The following VIL1 variants were observed in gnomAD, a reference collection of about 807,000 sequenced individuals.
VIL1 encodes the protein villin-1.
In VIL1, 86 loss-of-function variants were observed where a neutral mutation model predicts 104.0. The observed-to-expected ratio is 0.83, with a 90% CI of 0.69 to 0.99. The LOEUF (loss-of-function observed/expected upper bound fraction) is 0.99, where lower values mean the gene tolerates loss of function less well. Among genes scored for constraint, VIL1 ranks in the 50% least tolerant of loss-of-function variants. The probability of loss-of-function intolerance (pLI) is 0.00; values close to 1 mark genes in which losing one functional copy is unlikely to be tolerated. For missense variants in VIL1, 944 were observed against 1,054.1 expected (o/e 0.90, Z 1.45); for synonymous variants, 394 against 412.6 (o/e 0.95, Z 0.55).
At chr2:218,430,693 G>A in intron 9 of VIL1, 32 bp from the exon 10 acceptor site, 2 of 1,554,494 alleles carry the variant, frequency 1.3e-6, no homozygotes, top group Non-Finnish European at 1.7e-6. Flanking sequence ...TAGGGGAGGT[G>A]CATAGCTTCC....
intron 12 of VIL1, 186 bp from the exon 13 acceptor site, chr2:218,432,607 G>A: frequency 1.1e-6 from 1 of 895,618 alleles, no homozygotes; most frequent in Admixed American, 2.0e-5. Flanking sequence ...TAGGTTTGAG[G>A]TTGAGATCAG....
At chr2:218,427,617 C>T (rs1159004118) in intron 4 of VIL1, among the ~76,000 whole-genome samples, 3 of 152,128 alleles carry the variant, frequency 2.0e-5, no homozygotes, top group Admixed American at 6.5e-5. Context: ...TGAGTCACCG[C>T]ACCTGGCCTA....
rs1688895585 is a variant in VIL1, at chr2:218,421,253, CA to C, written c.-12+2086del. Reference sequence around the variant, plus strand: ...GGGCAGAGTGCCAGCAGAGAGGGGCCAGGGGGCTGTGTGTAGTGGGGAGACT... The same window carrying C: ...GGGCAGAGTGCCAGCAGAGAGGGGCCGGGGGCTGTGTGTAGTGGGGAGACT... On this transcript the variant is annotated intron_variant, in intron 1 of 19. Coordinates refer to ENST00000248444, the MANE Select transcript of VIL1 (RefSeq NM_007127.3). Among the ~76,000 whole-genome samples the C allele has an allele frequency of 2.6e-5, 4 of 151,788 alleles. No individual in the cohort carries two copies. In the South Asian group the frequency reaches 8.3e-4, roughly 32 times the overall value.
chr2:218,432,990 G>A (rs762098770), intron 13 of VIL1, 39 bp downstream of exon 13: 16 of 1,611,918 alleles, frequency 9.9e-6, no homozygotes, highest in Non-Finnish European at 1.4e-5. Context: ...AGTAACCACT[G>A]TGGCAAGACA....
At chr2:218,422,330 C>T (rs188431147) in intron 1 of VIL1, among the ~76,000 whole-genome samples, 4 of 152,226 alleles carry the variant, frequency 2.6e-5, no homozygotes, top group East Asian at 1.9e-4. Context: ...AAACAGAAAA[C>T]GGTCTCCTCC....
Position 218,435,411 on chromosome 2 carries a change from G to A in VIL1, c.1803G>A (p.Lys601=), listed in dbSNP as rs965005206. The A allele has an allele frequency of 1.2e-6, 2 of 1,614,028 alleles. No homozygotes were observed. The highest frequency in any genetic ancestry group is 1.3e-5 in the African/African-American group (1 of 75,038). The part of the protein sequence containing the change: ...PANFWMALGG[K]APYANTKRLQ... ...ACTTCTGGATGGCCCTGGGTGGGAA[G>A]GCCCCCTATGCCAACACCAAGAGGT... The change falls in exon 15 of 20, where the codon AAG becomes AAA. Residue 601 remains lysine (K), a synonymous_variant. Transcript: ENST00000248444.
chr2:218,437,379 G>C lies in VIL1; in HGVS notation c.2160+67G>C, dbSNP rs187647315. On this transcript the variant is annotated intron_variant, in intron 17 of 19. Coordinates refer to ENST00000248444, the MANE Select transcript of VIL1 (RefSeq NM_007127.3). ...TGGAGATCAGTGCTGATTCCTGCAG[G>C]CCATTCTGTCTCTTTGGGATATATG... The C allele has an allele frequency of 4.7e-5, 73 of 1,557,678 alleles. No individual in the cohort carries two copies. The African/African-American group carries it at 9.2e-4, about 20-fold the overall frequency.
In VIL1 at chr2:218,451,176, TAC is replaced by T. The variant is rs763589266; in HGVS notation, c.*1843_*1844del. The T allele has an allele frequency of 6.6e-6, 1 of 152,228 alleles. No individual in the cohort carries two copies. The highest frequency in any genetic ancestry group is 1.5e-5 in the Non-Finnish European group (1 of 68,038). 9.4% of individuals were successfully genotyped at this position (152,228 alleles called of 1,614,324 possible). A position where few individuals can be genotyped will look rare whatever the true frequency, so the allele number is the denominator to read the frequency against. ...GGCAGAAGTCTATTTAGTTTTTGTA[TAC>T]ACTTGCAAGAGTGCATTACTCAGTA... is the stretch of plus-strand genomic sequence containing the variant. On this transcript the variant is annotated 3_prime_UTR_variant, in exon 20 of 20. Coordinates refer to ENST00000248444, the MANE Select transcript of VIL1 (RefSeq NM_007127.3).
rs1458347087 is a variant in VIL1, at chr2:218,451,564, A to G, written c.*2228A>G. The G allele has an allele frequency of 4.3e-5, 1 of 23,122 alleles. No individual in the cohort carries two copies. Among genetic ancestry groups the G allele is most frequent in the Non-Finnish European group, 8.4e-5 (1 of 11,966 alleles). 1.4% of individuals were successfully genotyped at this position (23,122 alleles called of 1,614,324 possible). ...CTCTTTAATTTAGGTGTTTGCAGAT[A>G]ATTTTCATTATATCCGTAGCTGTAT... On this transcript the variant is annotated 3_prime_UTR_variant, in exon 20 of 20. Transcript: ENST00000248444.
intron 14 of VIL1, 23 bp downstream of exon 14, chr2:218,434,728 T>A (rs1197605086): frequency 6.3e-6 from 10 of 1,585,784 alleles, no homozygotes; most frequent in Non-Finnish European, 8.6e-6. Flanking sequence ...TCTAGAGGCC[T>A]CCCCATCCGC....
intron 10 of VIL1, chr2:218,431,273 T>C (rs1689093807): frequency 3.1e-6 from 1 of 327,312 alleles, no homozygotes; most frequent in South Asian, 9.9e-5. Flanking sequence ...ATCGCTTGAA[T>C]TCAGGAGGCA....
rs1229060005 is a variant in VIL1 at position 218,435,397 on chromosome 2, G to C, written c.1789G>C (p.Ala597Pro). The C allele has an allele frequency of 6.2e-7, 1 of 1,614,012 alleles. No homozygotes were observed. Among genetic ancestry groups the C allele is most frequent in the Non-Finnish European group, 8.5e-7 (1 of 1,179,988 alleles). ...EGQEPANFWM[A>P]LGGKAPYANT... ...GCAGGAGCCAGCCAACTTCTGGATG[G>C]CCCTGGGTGGGAAGGCCCCCTATGC... Residue 597 changes from alanine to proline, a missense_variant, in exon 15 of 20, where the codon GCC (alanine) becomes CCC (proline). By Grantham distance (27) the Ala-to-Pro change is conservative. Transcript: ENST00000248444.
chr2:218,426,210 A>C (rs554811094), intron 4 of VIL1, among the ~76,000 whole-genome samples: 1 of 151,806 alleles, frequency 6.6e-6, no homozygotes, highest in Non-Finnish European at 1.5e-5. Flanking sequence ...CCCATCTCTA[A>C]TGCAGGCCTA....
chr2:218,432,822 A>C lies in VIL1; in HGVS notation c.1371A>C (p.Thr457=). The C allele has an allele frequency of 6.2e-7, 1 of 1,614,226 alleles. No homozygotes were observed. Among genetic ancestry groups the C allele is most frequent in the Non-Finnish European group, 8.5e-7 (1 of 1,180,034 alleles). ...GCCAGGCCAGCCAAGATGAAATTAC[A>C]GCATCAGCTTATCAAGCCGTCATCC... ...QGSQASQDEI[T]ASAYQAVILD... The change falls in exon 13 of 20, where the codon ACA becomes ACC. Residue 457 remains threonine (T), a synonymous_variant. Coordinates refer to ENST00000248444, the MANE Select transcript of VIL1 (RefSeq NM_007127.3).
At position 218,428,244 on chromosome 2, in the gene VIL1, G is replaced by T; in HGVS notation, c.474G>T (p.Lys158Asn). The stretch of plus-strand genomic sequence containing the variant: ...CTCCCTAGGTAGAGATGTCCTGGAA[G>T]AGTTTCAACCGAGGGGATGTTTTCC... ...VVAGEVEMSW[K>N]SFNRGDVFLL... The change falls in exon 6 of 20, where the codon AAG becomes AAT. Residue 158 changes from lysine to asparagine, a missense_variant. By Grantham distance (94) the Lys-to-Asn change is moderately conservative. Transcript: ENST00000248444. The T allele has an allele frequency of 1.2e-6, 2 of 1,614,182 alleles. No homozygotes were observed. The highest frequency in any genetic ancestry group is 1.7e-6 in the Non-Finnish European group (2 of 1,180,022).
intron 6 of VIL1, 25 bp downstream of exon 6, chr2:218,428,362 TC>T: frequency 6.3e-7 from 1 of 1,597,586 alleles, no homozygotes; most frequent in Non-Finnish European, 8.6e-7. Flanking sequence ...GCACCACACC[TC>T]CCTCTCGAAT....
intron 9 of VIL1, 88 bp downstream of exon 9, chr2:218,430,035 C>G (rs1302562007): frequency 2.0e-5 from 25 of 1,227,284 alleles, no homozygotes; most frequent in Non-Finnish European, 2.8e-5. Context: ...GGCAGGCAGG[C>G]TCAGACCAGG....
Position 218,440,796 on chromosome 2 carries a change from CCTGGAG to C in VIL1, c.2306_2311del (p.Leu769_Glu770del). 1 of 1,614,192 alleles carries C rather than the reference CCTGGAG, an allele frequency of 6.2e-7. No individual in the cohort carries two copies. The highest frequency in any genetic ancestry group is 8.5e-7 in the Non-Finnish European group (1 of 1,180,042). On this transcript the variant is annotated inframe_deletion, in exon 19 of 20. Coordinates refer to ENST00000248444, the MANE Select transcript of VIL1 (RefSeq NM_007127.3). ...GTTCTGGGCCTCTGCCCATCTTCCC[CCTGGAG>C]CAGCTAGTGAACAAGCCTGTAGAGG...
intron 19 of VIL1, among the ~76,000 whole-genome samples, chr2:218,441,681 A>G (rs554663568): frequency 6.6e-6 from 1 of 152,058 alleles, no homozygotes; most frequent in South Asian, 2.1e-4. Flanking sequence ...TTATGGTTGA[A>G]GTAGCAGAGT....
Sources: gnomAD v4.1 joint callset for allele counts (sites outside exome capture counted in the v4.1 genomes callset) on GRCh38, gnomAD v4.1.1 for gene constraint, MANE v1.5 for transcripts, NCBI Gene and HGNC (gene_info 2026-07-23, HGNC 2026-07-21) for gene names.